Variants in ADGRE3 observed in about 807,000 individuals in gnomAD.
The protein encoded by ADGRE3 is EGF-like module receptor 3.
In ADGRE3, 88 loss-of-function variants were observed where a neutral mutation model predicts 80.1. The ratio of observed to expected loss-of-function variants is 1.10; its 90% CI spans 0.93 to 1.31. The LOEUF (loss-of-function observed/expected upper bound fraction) is 1.31. Among genes scored for constraint, ADGRE3 ranks in the 40% most tolerant of loss-of-function variants. The pLI, the probability that ADGRE3 is intolerant of heterozygous loss-of-function variation, is 0.00. For synonymous variants in ADGRE3, 281 were observed against 294.8 expected, an observed-to-expected ratio of 0.95 and a Z score of 0.48; for missense variants, 715 against 776.5, an observed-to-expected ratio of 0.92 and a Z score of 0.94.
At chr19:14,630,976 C>T (rs1037838891) in intron 13 of ADGRE3, among the ~76,000 whole-genome samples, 9 of 151,790 alleles carry the variant, frequency 5.9e-5, no homozygotes, top group East Asian at 3.9e-4. Context: ...TGGGTTCAAG[C>T]GATTCTCCAG....
chr19:14,646,165 C>T (rs1289667432), intron 8 of ADGRE3, among the ~76,000 whole-genome samples: 1 of 152,130 alleles, frequency 6.6e-6, no homozygotes, highest in Non-Finnish European at 1.5e-5. Context: ...ACTCTGTTGC[C>T]AGGCTGGAGT....
At chr19:14,629,458 A>ACACACC (rs1970820396) in intron 14 of ADGRE3, among the ~76,000 whole-genome samples, 1 of 151,932 alleles carries the variant, frequency 6.6e-6, no homozygotes, top group African/African-American at 2.4e-5. Context: ...TGGGTGTGTG[A>ACACACC]CTTTCTTTGG....
At chr19:14,637,298 G>A (rs1971116374) in intron 11 of ADGRE3, among the ~76,000 whole-genome samples, 1 of 151,702 alleles carries the variant, frequency 6.6e-6, no homozygotes, top group African/African-American at 2.4e-5. Context: ...CACCCTCCAT[G>A]ATCCCTTTAA....
At chr19:14,604,689 C>T in the ADGRE3 span, among the ~76,000 whole-genome samples, 20 of 151,522 alleles carry the variant, frequency 1.3e-4, no homozygotes, top group Non-Finnish European at 2.4e-4. Context: ...CTTGAACCTG[C>T]GAGGCGGAGG....
intron 7 of ADGRE3, among the ~76,000 whole-genome samples, chr19:14,650,378 C>A (rs1971556558): frequency 6.7e-6 from 1 of 150,144 alleles, no homozygotes; most frequent in South Asian, 2.1e-4. Flanking sequence ...CTCTTTCCAT[C>A]TCTCTCCCCT....
intron 2 of ADGRE3, among the ~76,000 whole-genome samples, chr19:14,664,672 A>G (rs941644681): frequency 2.6e-5 from 4 of 152,124 alleles, no homozygotes; most frequent in African/African-American, 7.2e-5. Flanking sequence ...TCATGTCATT[A>G]CACTGCAGCC....
intron 15 of ADGRE3, among the ~76,000 whole-genome samples, chr19:14,624,675 A>G (rs1244927162): frequency 6.6e-6 from 1 of 151,324 alleles, no homozygotes; most frequent in Non-Finnish European, 1.5e-5. Context: ...GGATTGCTTG[A>G]GCCCAGGAGG....
At chr19:14,621,238 A>C (rs1401099222) in intron 15 of ADGRE3, among the ~76,000 whole-genome samples, 1 of 152,058 alleles carries the variant, frequency 6.6e-6, no homozygotes, top group East Asian at 1.9e-4. Flanking sequence ...GGATCACTTG[A>C]GATCAGGAGT....
intron 5 of ADGRE3, among the ~76,000 whole-genome samples, chr19:14,658,042 G>C (rs1225760332): frequency 6.6e-6 from 1 of 152,128 alleles, no homozygotes. Context: ...TGGGATTACA[G>C]GCGTGAGCCA....
the ADGRE3 span, among the ~76,000 whole-genome samples, chr19:14,605,902 C>T: frequency 6.6e-6 from 1 of 152,014 alleles, no homozygotes; most frequent in Non-Finnish European, 1.5e-5. Flanking sequence ...CCACGTCTGG[C>T]TAATTTTTAA....
At position 14,636,088 on chromosome 19, in the gene ADGRE3, T is replaced by TTCTTTCTTTC. The variant is rs1568481192; in HGVS notation, c.1484+2007_1484+2016dup. Among the ~76,000 whole-genome samples the TTCTTTCTTTC allele has an allele frequency of 1.7e-3, 50 of 29,948 alleles. 4 individuals are homozygous for TTCTTTCTTTC. The highest frequency in any genetic ancestry group is 4.8e-3 in the African/African-American group (48 of 9,906). The allele number at this position is 29,948 out of a possible 152,430, so 19.6% of individuals were successfully genotyped here. On this transcript the variant is annotated intron_variant, in intron 11 of 15. Transcript: ENST00000253673. Reference sequence around the variant, plus strand: ...TTCCTTTCCTTTCCTTTCCCTTTCTTTCTTTCTTTCTTTCTTTCTTTCTTT... The same window carrying TTCTTTCTTTC: ...TTCCTTTCCTTTCCTTTCCCTTTCTTTCTTTCTTTCTCTTTCTTTCTTTCTTTCTTTCTTT...
chr19:14,641,655 G>A (rs1405358048), intron 9 of ADGRE3, 39 bp from the exon 10 acceptor site: 1 of 1,604,004 alleles, frequency 6.2e-7, no homozygotes, highest in East Asian at 2.3e-5. Flanking sequence ...ATGCTTTCCT[G>A]CACTGGGATT....
chr19:14,637,438 G>A (rs1971122668), intron 11 of ADGRE3, among the ~76,000 whole-genome samples: 1 of 148,078 alleles, frequency 6.8e-6, no homozygotes, highest in Non-Finnish European at 1.5e-5. Context: ...CTGTCACCCA[G>A]GCTGGAATGT....
rs1970960014 is a variant in ADGRE3 at position 14,633,848 on chromosome 19, C to T, written c.1485-546G>A. ...TTGGAGTGCAGTGGTGCGATCTCAG[C>T]TCACTGCAACCTCTGCCTCCTGGAT... On this transcript the variant is annotated intron_variant, in intron 11 of 15. Coordinates refer to ENST00000253673, the MANE Select transcript of ADGRE3 (RefSeq NM_032571.5). 1.4e-5 allele frequency among the ~76,000 whole-genome samples: 2 copies of T among 143,200 alleles called. 1 individual carries two copies. The highest frequency in any genetic ancestry group is 4.4e-4 in the South Asian group (2 of 4,568). 93.9% of individuals were successfully genotyped at this position (143,200 alleles called of 152,430 possible).
chr19:14,618,841 C>A (rs1257316870), downstream of ADGRE3, among the ~76,000 whole-genome samples: 1 of 49,386 alleles, frequency 2.0e-5, no homozygotes. Flanking sequence ...AGCGAAACTC[C>A]ATCTCAAAAA....
At chr19:14,642,694 A>G (rs1396281612) in intron 9 of ADGRE3, among the ~76,000 whole-genome samples, 1 of 152,122 alleles carries the variant, frequency 6.6e-6, no homozygotes, top group East Asian at 1.9e-4. Flanking sequence ...TTCCTGTGTT[A>G]GTTTGCTAAG....
chr19:14,623,908 G>A (rs1049015070), intron 15 of ADGRE3, among the ~76,000 whole-genome samples: 2 of 152,116 alleles, frequency 1.3e-5, no homozygotes. Flanking sequence ...CAAGAATGAG[G>A]AACTCAAACC....
intron 2 of ADGRE3, among the ~76,000 whole-genome samples, chr19:14,668,326 A>G (rs958631416): frequency 1.3e-5 from 2 of 151,958 alleles, no homozygotes; most frequent in African/African-American, 4.8e-5. Context: ...TTCTTAACCC[A>G]CAGAAACCAA....
chr19:14,640,529 G>C (rs796181691), intron 10 of ADGRE3, among the ~76,000 whole-genome samples: 3 of 152,046 alleles, frequency 2.0e-5, no homozygotes, highest in African/African-American at 7.2e-5. Context: ...GACCTCAGGT[G>C]ATCTGCCCAC....
Sources: gnomAD v4.1 joint callset for allele counts (sites outside exome capture counted in the v4.1 genomes callset) on GRCh38, gnomAD v4.1.1 for gene constraint, MANE v1.5 for transcripts, NCBI Gene and HGNC (gene_info 2026-07-23, HGNC 2026-07-21) for gene names.